Variants in MS4A14 observed in about 807,000 individuals in gnomAD.
The protein encoded by MS4A14 is membrane spanning 4-domains A14, also known as membrane-spanning 4-domains subfamily A member 14.
A neutral mutation model predicts 16.7 loss-of-function variants in MS4A14; 18 were observed. The observed-to-expected ratio is 1.08, with a 90% CI of 0.75 to 1.60. The LOEUF (loss-of-function observed/expected upper bound fraction) is 1.60. Among genes scored for constraint, MS4A14 ranks in the 40% most tolerant of loss-of-function variants. The pLI is 0.00. For synonymous variants in MS4A14, 305 were observed against 289.4 expected, an observed-to-expected ratio of 1.05 and a Z score of -0.55; for missense variants, 812 against 775.3, an observed-to-expected ratio of 1.05 and a Z score of -0.56.
chr11:60,411,231 A>T (rs1253328172), intron 4 of MS4A14, among the ~76,000 whole-genome samples: 1 of 152,110 alleles, frequency 6.6e-6, no homozygotes, highest in African/African-American at 2.4e-5. Context: ...CTTTTTCATT[A>T]TTGTTTTGGC....
intron 2 of MS4A14, among the ~76,000 whole-genome samples, chr11:60,398,454 C>A (rs1288118283): frequency 6.6e-6 from 1 of 152,148 alleles, no homozygotes; most frequent in Non-Finnish European, 1.5e-5. Context: ...AATCATATAG[C>A]CATAAATATT....
intron 3 of MS4A14, among the ~76,000 whole-genome samples, chr11:60,401,477 A>G (rs983358111): frequency 7.2e-5 from 11 of 152,344 alleles, no homozygotes; most frequent in African/African-American, 2.4e-5. Context: ...TGACTCACTG[A>G]GAGCTATGCA....
intron 4 of MS4A14, among the ~76,000 whole-genome samples, chr11:60,403,647 A>G (rs1450774613): frequency 6.6e-6 from 1 of 152,210 alleles, no homozygotes; most frequent in Non-Finnish European, 1.5e-5. Flanking sequence ...CAGGAAATGT[A>G]GTTGTCTGTG....
chr11:60,401,104 T>A (rs2085706934), intron 3 of MS4A14, among the ~76,000 whole-genome samples: 1 of 152,210 alleles, frequency 6.6e-6, no homozygotes, highest in Non-Finnish European at 1.5e-5. Flanking sequence ...TGTGTTAACC[T>A]GAAGGGAAAA....
intron 4 of MS4A14, 50 bp downstream of exon 4, chr11:60,403,111 G>A: frequency 2.6e-6 from 4 of 1,560,872 alleles, no homozygotes; most frequent in Non-Finnish European, 3.5e-6. Context: ...TCTCTGAACT[G>A]TGTCCATGAT....
Position 60,416,648 on chromosome 11 carries a change from A to T in MS4A14, c.1680A>T (p.Gln560His), listed in dbSNP as rs759716616. ...CTCAACTTAATCAAACTAAAGAGCA[A>T]CTCCCAGATCAGCAAGCTGAAGATC... ...KQAQLNQTKE[Q>H]LPDQQAEDQQ... Residue 560 changes from glutamine (Q) to histidine (H), a missense_variant, in exon 5 of 5, where the codon CAA (glutamine) becomes CAT (histidine). Coordinates refer to ENST00000300187, the MANE Select transcript of MS4A14 (RefSeq NM_032597.5). 1.7e-5 allele frequency: 27 copies of T among 1,613,866 alleles called. No homozygotes were observed. The highest frequency in any genetic ancestry group is 2.3e-5 in the Non-Finnish European group (27 of 1,179,946).
rs1469195328 is a variant in MS4A14, at chr11:60,416,737, A to G, written c.1769A>G (p.Gln590Arg). The G allele has an allele frequency of 6.2e-7, 1 of 1,613,750 alleles. No homozygotes were observed. Among genetic ancestry groups the G allele is most frequent in the Admixed American group, 1.7e-5 (1 of 59,884 alleles). ...QSKDGQVKDQ[Q>R]TDKEQNSKKQ... Reference sequence around the variant, plus strand: ...AAAGATGGACAAGTTAAAGACCAGCAGACTGATAAGGAGCAAAACTCAAAG... The same window carrying G: ...AAAGATGGACAAGTTAAAGACCAGCGGACTGATAAGGAGCAAAACTCAAAG... The change falls in exon 5 of 5, where the codon CAG becomes CGG. Residue 590 changes from glutamine (Q) to arginine (R), a missense_variant. Physicochemically the swap from Gln to Arg is conservative, Grantham distance 43. Coordinates refer to ENST00000300187, the MANE Select transcript of MS4A14 (RefSeq NM_032597.5).
At chr11:60,400,846 A>G (rs2135125923) in intron 3 of MS4A14, among the ~76,000 whole-genome samples, 1 of 152,290 alleles carries the variant, frequency 6.6e-6, no homozygotes, top group Non-Finnish European at 1.5e-5. Flanking sequence ...TAAGCATCTA[A>G]AATGCACAAG....
intron 4 of MS4A14, chr11:60,405,990 G>T: frequency 6.7e-7 from 1 of 1,487,970 alleles, no homozygotes. Flanking sequence ...CAGATGAGGT[G>T]TGTTCTGATG....
chr11:60,415,995 C>T lies in MS4A14; in HGVS notation c.1027C>T (p.His343Tyr). Residue 343 changes from histidine to tyrosine, a missense_variant, in exon 5 of 5, where the codon CAT becomes TAT. Transcript: ENST00000300187. ...QTMPSKSTSS[H>Y]VKQSSNLTAN... ...CATGCCATCTAAGTCTACATCATCCCATGTCAAACAGTCTTCTAATCTGAC... is the reference window on the plus strand; with the variant it reads ...CATGCCATCTAAGTCTACATCATCCTATGTCAAACAGTCTTCTAATCTGAC... 1 of 1,613,910 alleles carries T rather than the reference C, an allele frequency of 6.2e-7. No individual in the cohort carries two copies. Among genetic ancestry groups the T allele is most frequent in the Non-Finnish European group, 8.5e-7 (1 of 1,179,928 alleles).
chr11:60,414,154 T>G (rs1443241), intron 4 of MS4A14, among the ~76,000 whole-genome samples: 101,407 of 151,906 alleles, frequency 0.67, 34,087 homozygotes, highest in Middle Eastern at 0.75. Context: ...AGAGCTTTAA[T>G]AAACAGAGAA....
rs781622495 is a variant in MS4A14, at chr11:60,415,976, A to T, written c.1008A>T (p.Pro336=). 11 of 1,613,850 alleles carry T rather than the reference A, an allele frequency of 6.8e-6. No homozygotes were observed. The East Asian group carries it at 2.5e-4, about 36-fold the overall frequency. ...AAGGCCTGTCAGAACAAACCATGCC[A>T]TCTAAGTCTACATCATCCCATGTCA... The part of the protein sequence containing the change: ...PVEGLSEQTM[P]SKSTSSHVKQ... Residue 336 remains proline (P), a synonymous_variant, in exon 5 of 5, where the codon CCA becomes CCT. Transcript: ENST00000300187.
chr11:60,413,196 T>G (rs549475948), intron 4 of MS4A14, among the ~76,000 whole-genome samples: 1 of 152,062 alleles, frequency 6.6e-6, no homozygotes, highest in East Asian at 1.9e-4. Flanking sequence ...ACTATGACCT[T>G]TCTAAACTAA....
Position 60,417,153 on chromosome 11 carries a change from A to C in MS4A14, c.*145A>C. 4.2e-6 allele frequency: 4 copies of C among 946,036 alleles called. No individual in the cohort carries two copies. Among genetic ancestry groups the C allele is most frequent in the Non-Finnish European group, 6.1e-6 (4 of 659,216 alleles). The allele number at this position is 946,036 out of a possible 1,614,324, so 58.6% of individuals were successfully genotyped here. On this transcript the variant is annotated 3_prime_UTR_variant, in exon 5 of 5. Coordinates refer to ENST00000300187, the MANE Select transcript of MS4A14 (RefSeq NM_032597.5). ...GTCCAAACCCAGCACGCAACAGCCC[A>C]ACATAACCTAGAATGTCAAGACACT...
chr11:60,405,464 T>C (rs1217354721), intron 4 of MS4A14, among the ~76,000 whole-genome samples: 2 of 152,214 alleles, frequency 1.3e-5, no homozygotes, highest in Non-Finnish European at 2.9e-5. Flanking sequence ...TACTTCTCAA[T>C]ATAAACATTA....
chr11:60,403,896 T>G (rs568673103), intron 4 of MS4A14, among the ~76,000 whole-genome samples: 2 of 152,294 alleles, frequency 1.3e-5, no homozygotes, highest in Admixed American at 1.3e-4. Context: ...GAGAAGTTAG[T>G]TCCTGAATAC....
chr11:60,403,799 G>T (rs1481739498), intron 4 of MS4A14, among the ~76,000 whole-genome samples: 1 of 152,156 alleles, frequency 6.6e-6, no homozygotes, highest in East Asian at 1.9e-4. Context: ...TGAAGCATGG[G>T]TTCTATAATT....
At chr11:60,402,042 G>C (rs2085721114) in intron 3 of MS4A14, among the ~76,000 whole-genome samples, 1 of 152,162 alleles carries the variant, frequency 6.6e-6, no homozygotes, top group Non-Finnish European at 1.5e-5. Flanking sequence ...CTGATGAATG[G>C]AAATGTGAAG....
intron 3 of MS4A14, among the ~76,000 whole-genome samples, 177 bp from the exon 4 acceptor site, chr11:60,402,733 GTC>G: frequency 6.6e-6 from 1 of 152,254 alleles, no homozygotes; most frequent in East Asian, 1.9e-4. Context: ...AACTTGGTTT[GTC>G]TTCTGACTTT....
Sources: gnomAD v4.1 joint callset for allele counts (sites outside exome capture counted in the v4.1 genomes callset) on GRCh38, gnomAD v4.1.1 for gene constraint, MANE v1.5 for transcripts, NCBI Gene and HGNC (gene_info 2026-07-23, HGNC 2026-07-21) for gene names.